ASAP1: variants seen among roughly 807,000 people sequenced by gnomAD.
The protein encoded by ASAP1 is ArfGAP with SH3 domain, ankyrin repeat and PH domain 1.
In ASAP1, 43 loss-of-function variants were observed where a neutral mutation model predicts 145.2. The ratio of observed to expected loss-of-function variants is 0.30; its 90% CI spans 0.23 to 0.38. The LOEUF (loss-of-function observed/expected upper bound fraction) is 0.38. Ranked by LOEUF, ASAP1 falls within the 10% of genes least tolerant of loss-of-function variation. The pLI, the probability that ASAP1 is intolerant of heterozygous loss-of-function variation, is 1.00. For synonymous variants in ASAP1, 546 were observed against 515.5 expected (o/e 1.06, Z -0.80); for missense variants, 1,018 against 1,355.3 (o/e 0.75, Z 3.91).
At chr8:130,239,852 C>T (rs1818421648) in intron 3 of ASAP1, among the ~76,000 whole-genome samples, 1 of 152,116 alleles carries the variant, frequency 6.6e-6, no homozygotes, top group African/African-American at 2.4e-5. Context: ...GTGTCACATA[C>T]TAAGTAAGAG....
At chr8:130,218,553 G>A (rs1817078093) in intron 4 of ASAP1, among the ~76,000 whole-genome samples, 1 of 152,080 alleles carries the variant, frequency 6.6e-6, no homozygotes, top group African/African-American at 2.4e-5. Flanking sequence ...CCATCTATCT[G>A]TGATGACAGA....
At chr8:130,149,317 T>C (rs1319558204) in intron 13 of ASAP1, among the ~76,000 whole-genome samples, 2 of 150,898 alleles carry the variant, frequency 1.3e-5, no homozygotes, top group Admixed American at 6.6e-5. Context: ...CTGAATTTGG[T>C]TCCCACAATT....
intron 3 of ASAP1, among the ~76,000 whole-genome samples, chr8:130,240,216 A>G (rs1586662203): frequency 6.6e-6 from 1 of 152,128 alleles, no homozygotes; most frequent in African/African-American, 2.4e-5. Flanking sequence ...ATGAACTGGT[A>G]GGGTGTAAAG....
intron 28 of ASAP1, among the ~76,000 whole-genome samples, chr8:130,058,809 G>C (rs1316302650): frequency 1.3e-5 from 2 of 152,096 alleles, no homozygotes; most frequent in Non-Finnish European, 2.9e-5. Flanking sequence ...CTTCCTCTCT[G>C]TCCCCTGGTT....
chr8:130,438,357 C>T (rs1056420849), intron 1 of ASAP1, among the ~76,000 whole-genome samples: 1 of 152,206 alleles, frequency 6.6e-6, no homozygotes, highest in Non-Finnish European at 1.5e-5. Flanking sequence ...CGGATCTGTC[C>T]TAATCGAACC....
intron 1 of ASAP1, among the ~76,000 whole-genome samples, chr8:130,414,006 A>G (rs1474084763): frequency 2.0e-5 from 3 of 152,192 alleles, no homozygotes; most frequent in African/African-American, 7.2e-5. Flanking sequence ...TGAATCGATG[A>G]TTGCTGGTAC....
intron 3 of ASAP1, among the ~76,000 whole-genome samples, chr8:130,270,876 T>C (rs1240639344): frequency 2.0e-5 from 3 of 150,794 alleles, no homozygotes; most frequent in Admixed American, 6.6e-5. Flanking sequence ...TTAATCCTCC[T>C]TTTTTGAAAC....
chr8:130,127,862 C>T (rs538396138), intron 16 of ASAP1, 65 bp downstream of exon 16: 32 of 1,553,536 alleles, frequency 2.1e-5, no homozygotes, highest in East Asian at 9.2e-5. Context: ...ATAACTAGAT[C>T]GTTTTATATT....
At chr8:130,183,979 A>C (rs147249203) in intron 7 of ASAP1, among the ~76,000 whole-genome samples, 10 of 152,340 alleles carry the variant, frequency 6.6e-5, no homozygotes, top group African/African-American at 2.4e-4. Flanking sequence ...AATCATGCTA[A>C]TAAAATACAT....
intron 25 of ASAP1, among the ~76,000 whole-genome samples, chr8:130,080,688 A>G (rs1481891348): frequency 6.6e-6 from 1 of 151,738 alleles, no homozygotes; most frequent in Non-Finnish European, 1.5e-5. Flanking sequence ...ACTGGAGTGT[A>G]GTGGTGCAAT....
chr8:130,356,478 T>C (rs750489883), intron 3 of ASAP1, among the ~76,000 whole-genome samples: 14 of 152,160 alleles, frequency 9.2e-5, no homozygotes, highest in Non-Finnish European at 1.9e-4. Context: ...TGGGGTTCAA[T>C]GCCTGGCAAT....
intron 3 of ASAP1, among the ~76,000 whole-genome samples, chr8:130,304,608 G>A (rs939746249): frequency 1.3e-5 from 2 of 152,196 alleles, no homozygotes; most frequent in Admixed American, 6.5e-5. Context: ...GTGGTTGTAT[G>A]TGACAATCTC....
In ASAP1 at chr8:130,316,996, C is replaced by A. The variant is rs190597771; in HGVS notation, c.186+41021G>T. Among the ~76,000 whole-genome samples the A allele has an allele frequency of 2.2e-3, 332 of 152,004 alleles. 1 individual carries two copies. Among genetic ancestry groups the A allele is most frequent in the African/African-American group, 7.6e-3 (314 of 41,412 alleles). On this transcript the variant is annotated intron_variant, in intron 3 of 29. Transcript: ENST00000518721. ...TTTCTTAACCTTATGTCAGTACAGG[C>A]TATGCTGTTGAATGTTCCAGGCCCT...
intron 3 of ASAP1, among the ~76,000 whole-genome samples, chr8:130,289,714 G>A (rs575640516): frequency 2.4e-4 from 36 of 152,330 alleles, no homozygotes; most frequent in African/African-American, 8.7e-4. Context: ...ATCACCTGAA[G>A]TATCTTACTT....
intron 3 of ASAP1, among the ~76,000 whole-genome samples, chr8:130,314,682 T>C (rs1221216208): frequency 6.6e-6 from 1 of 152,218 alleles, no homozygotes; most frequent in East Asian, 1.9e-4. Context: ...TGCAAAAACG[T>C]GCTTCACAGG....
Position 130,118,593 on chromosome 8 carries a change from G to C in ASAP1, c.1690C>G (p.Leu564Val). The change falls in exon 19 of 30, where the codon CTA becomes GTA. Residue 564 changes from leucine (L) to valine (V), a missense_variant. By Grantham distance (32) the Leu-to-Val change is conservative (BLOSUM62 1). Around this residue, in one of 9 missense-constraint regions of ASAP1, gnomAD observed 153 missense variants for 221.6 expected, o/e 0.69. Transcript: ENST00000518721. ...TTGATGGCCTCAAGCAATTCATTTA[G>C]TTTAGCTGATGAAGTTGAACAGGTC... is the stretch of plus-strand genomic sequence containing the variant. ...RKTCSTSSAK[L>V]NELLEAIKSR... 6.2e-7 allele frequency: 1 copy of C among 1,613,990 alleles called. No homozygotes were observed.
chr8:130,113,528 C>CT (rs1305898278), intron 23 of ASAP1, among the ~76,000 whole-genome samples: 1 of 152,158 alleles, frequency 6.6e-6, no homozygotes, highest in African/African-American at 2.4e-5. Context: ...GTTGTTAAGG[C>CT]TTGAGGACCT....
At chr8:130,223,408 G>A (rs1817408737) in intron 4 of ASAP1, among the ~76,000 whole-genome samples, 1 of 152,298 alleles carries the variant, frequency 6.6e-6, no homozygotes, top group South Asian at 2.1e-4. Flanking sequence ...AACATGGAAT[G>A]AGTCTAAAAA....
chr8:130,249,490 T>C (rs999626069), intron 3 of ASAP1, among the ~76,000 whole-genome samples: 2 of 152,114 alleles, frequency 1.3e-5, no homozygotes, highest in Non-Finnish European at 2.9e-5. Flanking sequence ...CTCTCACCAT[T>C]TTCTCCATCA....
Sources: gnomAD v4.1 joint callset for allele counts (sites outside exome capture counted in the v4.1 genomes callset) on GRCh38, gnomAD v4.1.1 for gene constraint, gnomAD v4.1.1 regional missense constraint, MANE v1.5 for transcripts, NCBI Gene and HGNC (gene_info 2026-07-23, HGNC 2026-07-21) for gene names.